Variants in COL4A3 observed in about 807,000 individuals in gnomAD.
The protein encoded by COL4A3 is collagen type IV alpha 3 chain, also known as collagen alpha-3(IV) chain.
Under a neutral mutation model 217.4 loss-of-function variants are expected in COL4A3, and 135 were observed. That is an observed-to-expected ratio of 0.62 (90% confidence interval 0.54 to 0.72). The LOEUF (loss-of-function observed/expected upper bound fraction) is 0.72, where lower values mean the gene tolerates loss of function less well. COL4A3 is among the 30% of genes least tolerant of loss of function. The probability of loss-of-function intolerance (pLI) is 0.00; values close to 1 mark genes in which losing one functional copy is unlikely to be tolerated. For synonymous variants in COL4A3, 690 were observed against 736.3 expected, an observed-to-expected ratio of 0.94 and a Z score of 1.02; for missense variants, 1,868 against 2,119.9, an observed-to-expected ratio of 0.88 and a Z score of 2.33.
intron 1 of COL4A3, among the ~76,000 whole-genome samples, chr2:227,184,210 A>G (rs543524298): frequency 1.3e-5 from 2 of 152,284 alleles, no homozygotes; most frequent in South Asian, 4.1e-4. Context: ...AGGATCAACA[A>G]ATGCAGACCA....
chr2:227,213,376 A>G (rs1164058502), intron 1 of COL4A3, among the ~76,000 whole-genome samples: 1 of 152,162 alleles, frequency 6.6e-6, no homozygotes, highest in Non-Finnish European at 1.5e-5. Context: ...AAGAGTAAAT[A>G]TCTTAGGTTT....
intron 1 of COL4A3, among the ~76,000 whole-genome samples, chr2:227,219,829 T>C (rs1489880337): frequency 6.6e-6 from 1 of 152,234 alleles, no homozygotes; most frequent in Non-Finnish European, 1.5e-5. Context: ...CTCTGTGATT[T>C]ACTTTTTCAT....
chr2:227,250,826 T>G lies in COL4A3; in HGVS notation c.547-314T>G, dbSNP rs1037250514. ...GGCAGGCCCTAACGTAGGAGCATGC[T>G]TGGCCAAAATGAGAGAGAAAGGAAA... On this transcript the variant is annotated intron_variant, in intron 9 of 51. Transcript: ENST00000396578. This position sits in a 1 kb window ranked among gnomAD's most constrained non-coding sequence, Gnocchi z 4.1. 6.6e-6 allele frequency among the ~76,000 whole-genome samples: 1 copy of G among 151,928 alleles called. No individual in the cohort carries two copies. Among genetic ancestry groups the G allele is most frequent in the African/African-American group, 2.4e-5 (1 of 41,352 alleles).
intron 43 of COL4A3, among the ~76,000 whole-genome samples, chr2:227,300,708 A>C (rs977348065): frequency 6.6e-6 from 1 of 152,192 alleles, no homozygotes; most frequent in African/African-American, 2.4e-5. Context: ...ATAGACACAG[A>C]GACGGCCATT....
intron 1 of COL4A3, among the ~76,000 whole-genome samples, chr2:227,181,597 A>G (rs1577041710): frequency 6.6e-6 from 1 of 152,214 alleles, no homozygotes; most frequent in Non-Finnish European, 1.5e-5. Context: ...GGGGATAACC[A>G]GTGAGAATAT....
At chr2:227,212,526 G>T (rs1368272466) in intron 1 of COL4A3, among the ~76,000 whole-genome samples, 1 of 152,158 alleles carries the variant, frequency 6.6e-6, no homozygotes, top group Non-Finnish European at 1.5e-5. Context: ...CCTTTCCCCA[G>T]GAATCTGTAG....
chr2:227,202,562 G>C (rs185790990), intron 1 of COL4A3, among the ~76,000 whole-genome samples: 1 of 151,248 alleles, frequency 6.6e-6, no homozygotes, highest in Non-Finnish European at 1.5e-5. Flanking sequence ...GGCTAACACG[G>C]TGAAACCCCG....
chr2:227,258,855 C>T (rs897167104), intron 18 of COL4A3, among the ~76,000 whole-genome samples: 20 of 152,114 alleles, frequency 1.3e-4, no homozygotes, highest in Non-Finnish European at 2.6e-4. Flanking sequence ...TAGGTGCACG[C>T]ATATCATTAC....
At chr2:227,303,218 T>C (rs1574833206) in intron 44 of COL4A3, 108 bp downstream of exon 44, 2 of 889,012 alleles carry the variant, frequency 2.2e-6, no homozygotes, top group Non-Finnish European at 3.8e-6. Flanking sequence ...TTAGTACAAA[T>C]AGGACCTCAA....
At chr2:227,308,039 T>C in intron 48 of COL4A3, 120 bp downstream of exon 48, 1 of 868,608 alleles carries the variant, frequency 1.2e-6, no homozygotes, top group Non-Finnish European at 1.9e-6. Context: ...TCCTGATACA[T>C]TTTAAAGAGA....
At chr2:227,165,116 CAT>C (rs1474624035) in intron 1 of COL4A3, among the ~76,000 whole-genome samples, 1 of 152,128 alleles carries the variant, frequency 6.6e-6, no homozygotes, top group African/African-American at 2.4e-5. Context: ...AAAATAGACA[CAT>C]AGATAATCGC....
Position 227,246,774 on chromosome 2 carries a change from A to G in COL4A3, c.441+36A>G, listed in dbSNP as rs1313914789. The G allele has an allele frequency of 5.8e-6, 9 of 1,561,582 alleles. No homozygotes were observed. In the African/African-American group the frequency reaches 6.8e-5, roughly 12 times the overall value. ...ATGCCTAATTCCCCAACAAAGACAT[A>G]AAGTATAAATAACAGTGGTCTACTC... On this transcript the variant is annotated intron_variant, in intron 7 of 51. Transcript: ENST00000396578.
At chr2:227,269,099 C>T (rs2071088898) in intron 23 of COL4A3, among the ~76,000 whole-genome samples, 1 of 152,104 alleles carries the variant, frequency 6.6e-6, no homozygotes, top group African/African-American at 2.4e-5. Flanking sequence ...ACCAGAGACC[C>T]ACCCAGAAGG....
intron 1 of COL4A3, among the ~76,000 whole-genome samples, chr2:227,219,264 G>A (rs1348012318): frequency 6.6e-6 from 1 of 152,058 alleles, no homozygotes; most frequent in Non-Finnish European, 1.5e-5. Flanking sequence ...GCCTCCCAAA[G>A]TGCTGGGATT....
chr2:227,189,558 T>C (rs2066152460), intron 1 of COL4A3, among the ~76,000 whole-genome samples: 1 of 152,224 alleles, frequency 6.6e-6, no homozygotes, highest in Admixed American at 6.5e-5. Flanking sequence ...TACATTCGTG[T>C]TACAAGTTAG....
chr2:227,241,000 T>G (rs1288542873), intron 3 of COL4A3, among the ~76,000 whole-genome samples: 1 of 152,178 alleles, frequency 6.6e-6, no homozygotes, highest in Non-Finnish European at 1.5e-5. Context: ...CTTGTCTGTC[T>G]TTCTTTCTGT....
chr2:227,197,049 C>A (rs1431017712), intron 1 of COL4A3, among the ~76,000 whole-genome samples: 1 of 151,732 alleles, frequency 6.6e-6, no homozygotes, highest in Non-Finnish European at 1.5e-5. Flanking sequence ...GGGGAGTTTC[C>A]CTACACAAGC....
chr2:227,172,045 G>T (rs2065495821), intron 1 of COL4A3, among the ~76,000 whole-genome samples: 1 of 152,164 alleles, frequency 6.6e-6, no homozygotes, highest in Non-Finnish European at 1.5e-5. Context: ...GTGTTCACTT[G>T]AGACATTCTT....
chr2:227,206,340 T>C (rs930779687), intron 1 of COL4A3, among the ~76,000 whole-genome samples: 13 of 152,218 alleles, frequency 8.5e-5, no homozygotes, highest in Non-Finnish European at 1.3e-4. Flanking sequence ...CCCGTAGTGC[T>C]GGGATTACAG....
Sources: allele counts gnomAD v4.1 joint callset (sites outside exome capture counted in the v4.1 genomes callset), GRCh38; gene constraint gnomAD v4.1.1; non-coding constraint Gnocchi (gnomAD v3.1); transcripts MANE v1.5; gene names NCBI Gene and HGNC (gene_info 2026-07-23, HGNC 2026-07-21).